RP1: variants seen among roughly 807,000 people sequenced by gnomAD.
RP1 encodes the protein RP1 axonemal microtubule associated.
In RP1, 16 loss-of-function variants were observed where a neutral mutation model predicts 14.8. That is an observed-to-expected ratio of 1.08 (90% CI 0.73 to 1.65). RP1 has a LOEUF of 1.65. Ranked by LOEUF, RP1 falls within the 40% of genes most tolerant of loss-of-function variation. RP1 has a pLI of 0.00. For missense variants in RP1, 2,631 were observed against 2,535.0 expected (o/e 1.04, Z -0.81); for synonymous variants, 876 against 883.6 (o/e 0.99, Z 0.15).
At chr8:54,870,155 G>A in exon 29 of RP1, 1 of 365,864 alleles carries the variant, frequency 2.7e-6, no homozygotes, top group Non-Finnish European at 4.8e-6. Flanking sequence ...CTGGTATCTG[G>A]GGTACCCATA....
At chr8:54,750,616 C>G in intron 19 of RP1, among the ~76,000 whole-genome samples, 1 of 152,220 alleles carries the variant, frequency 6.6e-6, no homozygotes, top group African/African-American at 2.4e-5. Context: ...GTAAAACGCA[C>G]CAATCAGTGC....
intron 24 of RP1, among the ~76,000 whole-genome samples, chr8:54,799,306 G>C (rs528885381): frequency 6.6e-6 from 1 of 152,060 alleles, no homozygotes; most frequent in South Asian, 2.1e-4. Flanking sequence ...ATTGCGATCT[G>C]TTCTTTACCA....
chr8:54,859,543 G>A (rs1812292324), intron 27 of RP1, among the ~76,000 whole-genome samples: 1 of 151,110 alleles, frequency 6.6e-6, no homozygotes, highest in Admixed American at 6.6e-5. Flanking sequence ...TCACTGTAGA[G>A]CAGTGTCACT....
intron 26 of RP1, among the ~76,000 whole-genome samples, chr8:54,852,953 C>G (rs989792073): frequency 6.6e-6 from 1 of 152,168 alleles, no homozygotes; most frequent in African/African-American, 2.4e-5. Context: ...AGGGCAGACT[C>G]AGCTATAACA....
intron 24 of RP1, among the ~76,000 whole-genome samples, chr8:54,790,958 C>T (rs1316357487): frequency 1.3e-5 from 2 of 152,098 alleles, no homozygotes; most frequent in African/African-American, 4.8e-5. Flanking sequence ...TACTGAAAAC[C>T]TTGCAAATTT....
intron 14 of RP1, among the ~76,000 whole-genome samples, chr8:54,704,775 A>G (rs969087346): frequency 5.9e-5 from 9 of 152,262 alleles, no homozygotes; most frequent in Middle Eastern, 3.4e-3. Context: ...CATACATCTC[A>G]TGTTATTTAG....
intron 1 of RP1, among the ~76,000 whole-genome samples, chr8:54,572,520 C>G (rs1804545211): frequency 6.6e-6 from 1 of 152,242 alleles, no homozygotes. Context: ...TCTGAAGACC[C>G]TTTCGACTGG....
chr8:54,731,532 T>C (rs1281664657), intron 17 of RP1, among the ~76,000 whole-genome samples: 2 of 152,182 alleles, frequency 1.3e-5, no homozygotes, highest in African/African-American at 2.4e-5. Context: ...TGGTATTACA[T>C]GGTGTTCATA....
chr8:54,775,833 T>C (rs1313862196), intron 23 of RP1, among the ~76,000 whole-genome samples: 1 of 152,158 alleles, frequency 6.6e-6, no homozygotes. Context: ...ATATTGAAGA[T>C]CATGAATTTC....
chr8:54,853,490 T>A (rs1011075400), intron 26 of RP1, among the ~76,000 whole-genome samples: 22 of 152,148 alleles, frequency 1.4e-4, no homozygotes, highest in Admixed American at 6.5e-4. Flanking sequence ...GGGAGCAGCC[T>A]TGGGGGACAG....
intron 3 of RP1, among the ~76,000 whole-genome samples, chr8:54,640,959 CTTTTTTTTTT>C (rs34975591): frequency 1.6e-5 from 2 of 128,378 alleles, no homozygotes; most frequent in African/African-American, 5.8e-5. Context: ...TATAAATCTC[CTTTTTTTTTT>C]TTTTTTTTGA....
intron 24 of RP1, among the ~76,000 whole-genome samples, chr8:54,816,074 C>T (rs996606223): frequency 6.6e-6 from 1 of 152,086 alleles, no homozygotes; most frequent in African/African-American, 2.4e-5. Context: ...AAATGTGAAG[C>T]CTTAGGGGAT....
chr8:54,717,764 C>T, intron 15 of RP1, among the ~76,000 whole-genome samples: 1 of 151,956 alleles, frequency 6.6e-6, no homozygotes, highest in East Asian at 1.9e-4. Flanking sequence ...AAAAAGGAAA[C>T]AAAATGTATA....
chr8:54,577,830 C>T (rs565053275), intron 1 of RP1, among the ~76,000 whole-genome samples: 1 of 152,310 alleles, frequency 6.6e-6, no homozygotes, highest in East Asian at 1.9e-4. Flanking sequence ...TGTTAAACTG[C>T]ACTTCACTGG....
At chr8:54,852,528 G>C in intron 25 of RP1, 3 of 1,179,830 alleles carry the variant, frequency 2.5e-6, no homozygotes, top group Non-Finnish European at 3.2e-6. Flanking sequence ...CATTCAAAGA[G>C]ATAAATAAAA....
At chr8:54,652,518 T>A (rs2129326212) in intron 4 of RP1, among the ~76,000 whole-genome samples, 1 of 152,274 alleles carries the variant, frequency 6.6e-6, no homozygotes, top group East Asian at 1.9e-4. Context: ...TTCTTATTCT[T>A]TTCTCTACTT....
intron 27 of RP1, among the ~76,000 whole-genome samples, chr8:54,858,058 C>G (rs1003406382): frequency 5.3e-5 from 8 of 152,032 alleles, no homozygotes; most frequent in Non-Finnish European, 8.8e-5. Flanking sequence ...TTCCTAGTGT[C>G]TAGTATTGTG....
At chr8:54,656,062 G>T in intron 5 of RP1, 1 of 1,476,492 alleles carries the variant, frequency 6.8e-7, no homozygotes, top group Non-Finnish European at 9.0e-7. Context: ...ATTTTTAAAA[G>T]TAATATTATT....
At chr8:54,752,700 C>A (rs574757417) in intron 19 of RP1, among the ~76,000 whole-genome samples, 2 of 152,214 alleles carry the variant, frequency 1.3e-5, no homozygotes, top group South Asian at 4.1e-4. Flanking sequence ...CACTTGCATA[C>A]CCCCCACACT....
Sources: allele counts gnomAD v4.1 joint callset (sites outside exome capture counted in the v4.1 genomes callset), GRCh38; gene constraint gnomAD v4.1.1; transcripts MANE v1.5; gene names NCBI Gene and HGNC (gene_info 2026-07-23, HGNC 2026-07-21).